The following NBAS variants were observed in gnomAD, a reference collection of about 807,000 sequenced individuals.
The protein encoded by NBAS is NBAS subunit of NRZ tethering complex, also known as NAG/BC035112 fusion.
NBAS carries 219 observed loss-of-function variants against 302.5 expected under a neutral mutation model. That is an observed-to-expected ratio of 0.72 (90% CI 0.65 to 0.81). NBAS has a LOEUF of 0.81. Among genes scored for constraint, NBAS ranks in the 30% least tolerant of loss-of-function variants. The probability of loss-of-function intolerance (pLI) is 0.00; values close to 1 mark genes in which losing one functional copy is unlikely to be tolerated. For synonymous variants in NBAS, 1,118 were observed against 1,021.6 expected (o/e 1.09, Z -1.80); for missense variants, 2,932 against 2,841.6 (o/e 1.03, Z -0.72).
At position 15,424,556 on chromosome 2, in the gene NBAS, G is replaced by C. The variant is rs79521735; in HGVS notation, c.2424-88C>G. ...TGAGAGAAAGACAGGGACAGAGATG[G>C]GGAGAAAGTAAGAGACAGGGAGCAT... is the stretch of plus-strand genomic sequence containing the variant. On this transcript the variant is annotated intron_variant, in intron 22 of 51. Coordinates refer to ENST00000281513, the MANE Select transcript of NBAS (RefSeq NM_015909.4). 1,620 of 1,459,552 alleles carry C rather than the reference G, an allele frequency of 1.1e-3. 13 individuals carry two copies. In the African/African-American group the frequency reaches 0.015, roughly 14 times the overall value. The allele number at this position is 1,459,552 out of a possible 1,614,324, so 90.4% of individuals were successfully genotyped here.
intron 21 of NBAS, among the ~76,000 whole-genome samples, chr2:15,444,698 A>AGG (rs1678628721): frequency 6.6e-6 from 1 of 151,378 alleles, no homozygotes; most frequent in African/African-American, 2.4e-5. Context: ...AAAAGAAACT[A>AGG]CCATCAGAGT....
chr2:14,993,471 AT>A, the NBAS span, among the ~76,000 whole-genome samples: 1 of 152,114 alleles, frequency 6.6e-6, no homozygotes, highest in Non-Finnish European at 1.5e-5. Flanking sequence ...TTCCATTCTT[AT>A]TGGTCATTTA....
the NBAS span, among the ~76,000 whole-genome samples, chr2:14,995,115 T>C: frequency 6.6e-6 from 1 of 152,190 alleles, no homozygotes; most frequent in Non-Finnish European, 1.5e-5. Flanking sequence ...AACGTGCCGG[T>C]TTGTTACATA....
the NBAS span, among the ~76,000 whole-genome samples, chr2:15,103,599 A>T: frequency 6.6e-6 from 1 of 152,176 alleles, no homozygotes; most frequent in Non-Finnish European, 1.5e-5. Context: ...CCTCTGTATC[A>T]CTGAGATGCT....
At chr2:14,903,823 T>C in the NBAS span, among the ~76,000 whole-genome samples, 2 of 151,864 alleles carry the variant, frequency 1.3e-5, no homozygotes, top group African/African-American at 4.9e-5. Context: ...GGGAGAAGCA[T>C]GCCTGTCCCC....
chr2:15,433,949 AG>A (rs1311176131), intron 21 of NBAS, among the ~76,000 whole-genome samples: 263 of 151,516 alleles, frequency 1.7e-3, no homozygotes, highest in African/African-American at 6.0e-3. Flanking sequence ...AAAAAGAAAA[AG>A]GAAAAAAAAA....
the NBAS span, among the ~76,000 whole-genome samples, chr2:15,148,145 G>A: frequency 6.6e-6 from 1 of 152,206 alleles, no homozygotes; most frequent in South Asian, 2.1e-4. Flanking sequence ...GAGACAGTCA[G>A]AAAGCAATTA....
chr2:15,290,825 T>C (rs954286808), intron 41 of NBAS, among the ~76,000 whole-genome samples: 1 of 152,226 alleles, frequency 6.6e-6, no homozygotes, highest in African/African-American at 2.4e-5. Context: ...AGACCAGCTA[T>C]AGGTTGTTCC....
At chr2:14,933,961 T>A in the NBAS span, among the ~76,000 whole-genome samples, 18 of 152,218 alleles carry the variant, frequency 1.2e-4, no homozygotes, top group Non-Finnish European at 2.4e-4. Context: ...ATTTTTCTCT[T>A]TGTTGCATAT....
intron 38 of NBAS, among the ~76,000 whole-genome samples, chr2:15,317,765 C>T (rs763940121): frequency 6.6e-6 from 1 of 152,268 alleles, no homozygotes; most frequent in Non-Finnish European, 1.5e-5. Flanking sequence ...ACCAAATCTA[C>T]GTTTGATTGG....
the NBAS span, among the ~76,000 whole-genome samples, chr2:15,037,839 T>C: frequency 1.3e-5 from 2 of 152,088 alleles, no homozygotes; most frequent in Non-Finnish European, 2.9e-5. Context: ...TCAGTCTTTC[T>C]TCTAGCATGA....
intron 51 of NBAS, among the ~76,000 whole-genome samples, chr2:15,167,776 T>C (rs1664100479): frequency 6.6e-6 from 1 of 152,244 alleles, no homozygotes. Context: ...CCACATTTAC[T>C]GTTTCATTTG....
At chr2:15,128,886 C>T in the NBAS span, among the ~76,000 whole-genome samples, 5 of 152,126 alleles carry the variant, frequency 3.3e-5, no homozygotes, top group Admixed American at 6.5e-5. Context: ...CACAGAAAGA[C>T]GATGAAGTCA....
the NBAS span, among the ~76,000 whole-genome samples, chr2:14,848,391 C>T: frequency 7.1e-6 from 1 of 140,832 alleles, no homozygotes; most frequent in Non-Finnish European, 1.5e-5. Flanking sequence ...CGGCGCACCA[C>T]GAGACTATAT....
the NBAS span, among the ~76,000 whole-genome samples, chr2:14,849,260 C>T: frequency 1.3e-5 from 2 of 151,506 alleles, no homozygotes; most frequent in Non-Finnish European, 2.9e-5. Flanking sequence ...AACCAAGGCT[C>T]GAGAACTACG....
the NBAS span, among the ~76,000 whole-genome samples, chr2:14,873,393 T>G: frequency 6.6e-6 from 1 of 152,112 alleles, no homozygotes; most frequent in Non-Finnish European, 1.5e-5. Context: ...TTTTTTGTAT[T>G]TTTAGTAGAG....
intron 29 of NBAS, among the ~76,000 whole-genome samples, chr2:15,381,797 T>C (rs1675047848): frequency 6.6e-6 from 1 of 152,206 alleles, no homozygotes; most frequent in African/African-American, 2.4e-5. Flanking sequence ...CATTAGTTAT[T>C]CATGCATTTA....
At chr2:15,440,775 G>C (rs1678346941) in intron 21 of NBAS, among the ~76,000 whole-genome samples, 1 of 152,106 alleles carries the variant, frequency 6.6e-6, no homozygotes, top group African/African-American at 2.4e-5. Context: ...TTAGACGAAT[G>C]TATAACTAGA....
chr2:15,486,058 G>A (rs891301735), intron 12 of NBAS, among the ~76,000 whole-genome samples: 1 of 152,160 alleles, frequency 6.6e-6, no homozygotes, highest in African/African-American at 2.4e-5. Context: ...AAAGGGAGGG[G>A]TGGCCGACCC....
Sources: gnomAD v4.1 joint callset for allele counts (sites outside exome capture counted in the v4.1 genomes callset) on GRCh38, gnomAD v4.1.1 for gene constraint, MANE v1.5 for transcripts, NCBI Gene and HGNC (gene_info 2026-07-23, HGNC 2026-07-21) for gene names.